The following GALNTL6 variants were observed in gnomAD, a reference collection of about 807,000 sequenced individuals.
GALNTL6 encodes the protein polypeptide N-acetylgalactosaminyltransferase like 6, also known as polypeptide N-acetylgalactosaminyltransferase-like 6.
GALNTL6 carries 46 observed loss-of-function variants against 73.7 expected under a neutral mutation model. The observed-to-expected ratio is 0.62, with a 90% CI of 0.49 to 0.80. GALNTL6 has a LOEUF of 0.80. GALNTL6 is among the 30% of genes least tolerant of loss of function. The probability of loss-of-function intolerance (pLI) is 0.00; values close to 1 mark genes in which losing one functional copy is unlikely to be tolerated. For missense variants in GALNTL6, 604 were observed against 755.0 expected (o/e 0.80, Z 2.34); for synonymous variants, 259 against 263.7 (o/e 0.98, Z 0.17).
At chr4:172,599,883 G>A (rs753569942) in intron 5 of GALNTL6, among the ~76,000 whole-genome samples, 1 of 152,110 alleles carries the variant, frequency 6.6e-6, no homozygotes, top group Non-Finnish European at 1.5e-5. Context: ...ATTGCCAGCT[G>A]ATGAGAGTGT....
At chr4:171,968,339 A>G (rs1739450218) in intron 2 of GALNTL6, among the ~76,000 whole-genome samples, 1 of 152,158 alleles carries the variant, frequency 6.6e-6, no homozygotes, top group Non-Finnish European at 1.5e-5. Context: ...TGGGGGTTCC[A>G]AGGGAAAAAC....
intron 2 of GALNTL6, chr4:171,814,999 A>T: frequency 1.9e-6 from 1 of 519,332 alleles, no homozygotes; most frequent in Non-Finnish European, 3.4e-6. Flanking sequence ...TTTTGACTTG[A>T]GGTGGATGAA....
chr4:172,299,001 C>CT (rs1451608275), intron 3 of GALNTL6, among the ~76,000 whole-genome samples: 2 of 152,022 alleles, frequency 1.3e-5, no homozygotes, highest in African/African-American at 4.8e-5. Flanking sequence ...TGGTCCTGGA[C>CT]TTTTTTTGGT....
intron 2 of GALNTL6, among the ~76,000 whole-genome samples, chr4:172,026,910 C>T (rs1002051093): frequency 2.0e-5 from 3 of 152,004 alleles, no homozygotes; most frequent in African/African-American, 7.2e-5. Flanking sequence ...GAGAAAGGGT[C>T]TCACTCTGTC....
intron 12 of GALNTL6, among the ~76,000 whole-genome samples, chr4:173,030,922 A>T (rs1753431132): frequency 6.6e-6 from 1 of 151,762 alleles, no homozygotes; most frequent in Non-Finnish European, 1.5e-5. Flanking sequence ...GGATCACATG[A>T]ACCTGGAAGG....
intron 5 of GALNTL6, among the ~76,000 whole-genome samples, chr4:172,539,231 T>C (rs1229020786): frequency 1.3e-5 from 2 of 152,230 alleles, no homozygotes; most frequent in African/African-American, 2.4e-5. Flanking sequence ...TCTATGAATA[T>C]GTGTGATCAT....
At chr4:172,074,436 A>G (rs1309240796) in intron 2 of GALNTL6, among the ~76,000 whole-genome samples, 1 of 152,226 alleles carries the variant, frequency 6.6e-6, no homozygotes, top group African/African-American at 2.4e-5. Context: ...GTTCAGTGAC[A>G]TCTCGTGTCA....
At chr4:172,382,292 A>G (rs1437675525) in intron 5 of GALNTL6, among the ~76,000 whole-genome samples, 1 of 150,402 alleles carries the variant, frequency 6.6e-6, no homozygotes, top group Admixed American at 6.6e-5. Context: ...TTTTTTTTTA[A>G]GTTTGGTTAT....
At chr4:172,429,135 C>G (rs1012679272) in intron 5 of GALNTL6, among the ~76,000 whole-genome samples, 2 of 151,010 alleles carry the variant, frequency 1.3e-5, no homozygotes, top group Non-Finnish European at 3.0e-5. Context: ...ATGAGCTAAT[C>G]ACCTCCCCAA....
intron 2 of GALNTL6, among the ~76,000 whole-genome samples, chr4:171,936,298 C>A (rs543504808): frequency 1.7e-4 from 26 of 152,124 alleles, no homozygotes; most frequent in Non-Finnish European, 2.4e-4. Flanking sequence ...TATGTAACAT[C>A]TGTTCAAAGT....
chr4:171,852,321 G>A (rs1312120426), intron 2 of GALNTL6, among the ~76,000 whole-genome samples: 1 of 152,034 alleles, frequency 6.6e-6, no homozygotes, highest in Non-Finnish European at 1.5e-5. Flanking sequence ...GCATATAAGT[G>A]GCAACTATTC....
chr4:171,953,225 CGTGTGT>C (rs36214606), intron 2 of GALNTL6, among the ~76,000 whole-genome samples: 4,214 of 146,968 alleles, frequency 0.029, 64 homozygotes, highest in Admixed American at 0.038. Context: ...CGCATGCGCA[CGTGTGT>C]GTGTGTGTGT....
intron 2 of GALNTL6, among the ~76,000 whole-genome samples, chr4:171,860,495 C>T (rs920011634): frequency 1.3e-5 from 2 of 152,184 alleles, no homozygotes; most frequent in East Asian, 3.8e-4. Context: ...CTCTAGATTG[C>T]TCATTGTGGA....
intron 5 of GALNTL6, among the ~76,000 whole-genome samples, chr4:172,488,394 G>A (rs899232298): frequency 6.6e-6 from 1 of 152,210 alleles, no homozygotes; most frequent in Admixed American, 6.5e-5. Flanking sequence ...GTGTCTAGGG[G>A]TAAATAGATA....
intron 9 of GALNTL6, among the ~76,000 whole-genome samples, chr4:172,936,992 C>G (rs1417304618): frequency 6.6e-6 from 1 of 152,018 alleles, no homozygotes; most frequent in Non-Finnish European, 1.5e-5. Context: ...TTGAGATAAA[C>G]TGGAGCAGCC....
At chr4:172,757,164 G>A (rs2110807168) in intron 5 of GALNTL6, among the ~76,000 whole-genome samples, 1 of 152,170 alleles carries the variant, frequency 6.6e-6, no homozygotes, top group Non-Finnish European at 1.5e-5. Context: ...GCAAACCTTT[G>A]CCCTCTGAAA....
At chr4:172,723,047 G>C (rs751383762) in intron 5 of GALNTL6, among the ~76,000 whole-genome samples, 1 of 152,170 alleles carries the variant, frequency 6.6e-6, no homozygotes, top group East Asian at 1.9e-4. Context: ...AACATCAAGA[G>C]GGTGCCCACG....
intron 2 of GALNTL6, among the ~76,000 whole-genome samples, chr4:172,014,289 A>C (rs1277872503): frequency 6.8e-6 from 1 of 148,106 alleles, no homozygotes. Flanking sequence ...TTTTTGAGGA[A>C]CCTCCATTCT....
intron 5 of GALNTL6, among the ~76,000 whole-genome samples, chr4:172,362,074 A>G (rs905415564): frequency 5.9e-5 from 9 of 152,194 alleles, no homozygotes; most frequent in African/African-American, 2.2e-4. Context: ...GCTTATAATT[A>G]ATAGATTATA....
Sources: allele counts gnomAD v4.1 joint callset (sites outside exome capture counted in the v4.1 genomes callset), GRCh38; gene constraint gnomAD v4.1.1; transcripts MANE v1.5; gene names NCBI Gene and HGNC (gene_info 2026-07-23, HGNC 2026-07-21).